Variants in RERE observed in about 807,000 individuals in gnomAD.
RERE encodes the protein arginine-glutamic acid dipeptide repeats, also known as arginine-glutamic acid dipeptide repeats protein.
RERE carries 40 observed loss-of-function variants against 146.1 expected under a neutral mutation model. That is an observed-to-expected ratio of 0.27 (90% CI 0.21 to 0.36). The LOEUF (loss-of-function observed/expected upper bound fraction) is 0.36. Ranked by LOEUF, RERE falls within the 10% of genes least tolerant of loss-of-function variation. The pLI is 1.00. For synonymous variants in RERE, 1,003 were observed against 866.0 expected (o/e 1.16, Z -2.78); for missense variants, 1,933 against 2,138.7 (o/e 0.90, Z 1.90).
At chr1:8,571,904 A>G (rs1418588303) in intron 4 of RERE, among the ~76,000 whole-genome samples, 1 of 152,196 alleles carries the variant, frequency 6.6e-6, no homozygotes, top group African/African-American at 2.4e-5. Context: ...AAAAAGAAAG[A>G]AAGAAAATCA....
At chr1:8,581,884 G>A (rs1400903711) in intron 4 of RERE, among the ~76,000 whole-genome samples, 1 of 151,998 alleles carries the variant, frequency 6.6e-6, no homozygotes, top group Non-Finnish European at 1.5e-5. Context: ...CAAAATATTG[G>A]TGTAATAGGT....
At chr1:8,781,078 C>T (rs1049528062) in intron 1 of RERE, among the ~76,000 whole-genome samples, 11 of 151,616 alleles carry the variant, frequency 7.3e-5, no homozygotes, top group African/African-American at 2.7e-4. Context: ...AAATTCTCGG[C>T]CAGGCACGGT....
chr1:8,594,654 C>A (rs1046749257), intron 4 of RERE, among the ~76,000 whole-genome samples: 1 of 152,102 alleles, frequency 6.6e-6, no homozygotes, highest in Non-Finnish European at 1.5e-5. Context: ...GATGTAAATA[C>A]AATATATTAA....
chr1:8,584,976 G>A (rs557461942), intron 4 of RERE, among the ~76,000 whole-genome samples: 11 of 151,906 alleles, frequency 7.2e-5, no homozygotes, highest in Admixed American at 5.2e-4. Context: ...GTGAAACCCC[G>A]TCTCTACTCA....
chr1:8,792,371 T>C lies in RERE; in HGVS notation c.-145+24789A>G, dbSNP rs750529658. 2.6e-5 allele frequency: 4 copies of C among 152,228 alleles called. No homozygotes were observed. The South Asian group carries it at 6.2e-4, about 24-fold the overall frequency. 9.4% of individuals were successfully genotyped at this position (152,228 alleles called of 1,614,324 possible). On this transcript the variant is annotated intron_variant, in intron 1 of 22. Transcript: ENST00000400908. ...CAATTCTTACGGGATCCTCTTATAA[T>C]AGCCACTCAAGGAGAAAATTTCAAA... is the stretch of plus-strand genomic sequence containing the variant.
chr1:8,566,388 A>G (rs946268951), intron 4 of RERE, among the ~76,000 whole-genome samples: 7 of 152,058 alleles, frequency 4.6e-5, no homozygotes, highest in Admixed American at 1.3e-4. Context: ...TTGGGAGGCC[A>G]AGGCAGGTGG....
chr1:8,500,853 T>C (rs1450232431), intron 8 of RERE, among the ~76,000 whole-genome samples: 2 of 144,242 alleles, frequency 1.4e-5, no homozygotes, highest in Admixed American at 6.7e-5. Flanking sequence ...GCACCTCTGC[T>C]GGGCCGCAAC....
intron 4 of RERE, among the ~76,000 whole-genome samples, chr1:8,607,561 TTTGA>T (rs1646735810): frequency 2.0e-5 from 2 of 100,810 alleles, no homozygotes; most frequent in African/African-American, 7.7e-5. Flanking sequence ...TTTTTTTTTT[TTTGA>T]GACGGAGTCT....
At chr1:8,625,256 G>C (rs1011769716) in intron 2 of RERE, among the ~76,000 whole-genome samples, 14 of 152,124 alleles carry the variant, frequency 9.2e-5, no homozygotes, top group African/African-American at 3.4e-4. Flanking sequence ...ACCACGCTTG[G>C]CCAAGGTTGC....
chr1:8,535,421 G>A (rs1017676391), intron 7 of RERE, among the ~76,000 whole-genome samples: 2 of 152,126 alleles, frequency 1.3e-5, no homozygotes, highest in Non-Finnish European at 2.9e-5. Context: ...CTGTATTGTG[G>A]TTATGTAAGA....
chr1:8,524,928 A>C (rs1024388887), intron 7 of RERE, among the ~76,000 whole-genome samples: 6 of 152,250 alleles, frequency 3.9e-5, no homozygotes, highest in African/African-American at 1.4e-4. Context: ...ATTTAAGAGA[A>C]TAGAATTCCA....
At chr1:8,357,186 CCTACAA>C (rs1456032176) in intron 20 of RERE, among the ~76,000 whole-genome samples, 1 of 152,236 alleles carries the variant, frequency 6.6e-6, no homozygotes, top group African/African-American at 2.4e-5. Flanking sequence ...TCTGCCAGCA[CCTACAA>C]CTGTGCCTGG....
At chr1:8,609,397 A>G (rs995231426) in intron 4 of RERE, among the ~76,000 whole-genome samples, 8 of 152,150 alleles carry the variant, frequency 5.3e-5, no homozygotes, top group East Asian at 3.9e-4. Context: ...TTGTTACATT[A>G]TAAGTCGACA....
intron 7 of RERE, among the ~76,000 whole-genome samples, chr1:8,539,709 T>C (rs1645774900): frequency 2.0e-5 from 3 of 152,182 alleles, no homozygotes; most frequent in African/African-American, 4.8e-5. Context: ...TGGCCAAGCA[T>C]CACAGTTTTC....
chr1:8,732,464 A>G (rs1640105742), intron 1 of RERE, among the ~76,000 whole-genome samples: 1 of 152,224 alleles, frequency 6.6e-6, no homozygotes, highest in Non-Finnish European at 1.5e-5. Flanking sequence ...AAAACTATAG[A>G]GATAGTAAAA....
rs373320683 is a variant in RERE, at chr1:8,406,895, A to G, written c.1284+15832T>C. Among the ~76,000 whole-genome samples, 58 of 152,288 alleles carry G rather than the reference A, an allele frequency of 3.8e-4. 1 individual carries two copies. The highest frequency in any genetic ancestry group is 1.3e-3 in the African/African-American group (52 of 41,564). On this transcript the variant is annotated intron_variant, in intron 12 of 22. Transcript: ENST00000400908. ...AGTCAGAGCTCATACAACTTTGTGG[A>G]GGGTGAAAAGAACCCTGCCACAAAT...
At chr1:8,448,897 T>C (rs1044186621) in intron 11 of RERE, among the ~76,000 whole-genome samples, 3 of 151,592 alleles carry the variant, frequency 2.0e-5, no homozygotes, top group Admixed American at 6.6e-5. Context: ...CCAGAATTTC[T>C]TGTTTTTGAA....
chr1:8,802,423 T>C (rs1431153661), intron 1 of RERE, among the ~76,000 whole-genome samples: 1 of 152,252 alleles, frequency 6.6e-6, no homozygotes. Flanking sequence ...ATCCCCATCA[T>C]AGAAGCAGCA....
At chr1:8,561,150 T>C (rs1393995175) in intron 4 of RERE, among the ~76,000 whole-genome samples, 1 of 152,212 alleles carries the variant, frequency 6.6e-6, no homozygotes, top group East Asian at 1.9e-4. Flanking sequence ...GGTTTATTTG[T>C]ACCTAGATGT....
Sources: gnomAD v4.1 joint callset for allele counts (sites outside exome capture counted in the v4.1 genomes callset) on GRCh38, gnomAD v4.1.1 for gene constraint, MANE v1.5 for transcripts, NCBI Gene and HGNC (gene_info 2026-07-23, HGNC 2026-07-21) for gene names.